BMPR1B: variants seen among roughly 807,000 people sequenced by gnomAD.
BMPR1B encodes bone morphogenetic protein receptor type 1B, also known as bone morphogenetic protein receptor type-1B.
Under a neutral mutation model 59.1 loss-of-function variants are expected in BMPR1B, and 12 were observed. The ratio of observed to expected loss-of-function variants is 0.20; its 90% CI spans 0.13 to 0.33. The LOEUF (loss-of-function observed/expected upper bound fraction) is 0.33. Among genes scored for constraint, BMPR1B ranks in the 10% least tolerant of loss-of-function variants. The probability of loss-of-function intolerance (pLI) is 1.00; values close to 1 mark genes in which losing one functional copy is unlikely to be tolerated. For missense variants in BMPR1B, 550 were observed against 610.9 expected, an observed-to-expected ratio of 0.90 and a Z score of 1.05; for synonymous variants, 237 against 207.3, an observed-to-expected ratio of 1.14 and a Z score of -1.23.
At chr4:95,058,860 T>C (rs1727127624) in intron 3 of BMPR1B, among the ~76,000 whole-genome samples, 1 of 152,102 alleles carries the variant, frequency 6.6e-6, no homozygotes. Flanking sequence ...ACTTGTTGCT[T>C]GCAGTTGTGT....
intron 3 of BMPR1B, among the ~76,000 whole-genome samples, chr4:95,097,791 C>A (rs1314470865): frequency 6.6e-6 from 1 of 152,162 alleles, no homozygotes; most frequent in Admixed American, 6.5e-5. Flanking sequence ...CCTCCTCAAC[C>A]TCCTAAAGTG....
intron 2 of BMPR1B, among the ~76,000 whole-genome samples, chr4:94,957,895 T>A (rs539078477): frequency 6.6e-6 from 1 of 151,216 alleles, no homozygotes; most frequent in African/African-American, 2.5e-5. Context: ...ATATTTGATA[T>A]GAAATAAGAA....
At position 94,775,328 on chromosome 4, in the gene BMPR1B, C is replaced by T. The variant is rs140391606; in HGVS notation, c.-183+17260C>T. On this transcript the variant is annotated intron_variant, in intron 1 of 12. Transcript: ENST00000515059. ...ACTAAAACAGAATGAGGAAAATGTA[C>T]AGTTAATTGATCAATTTTAAGGAGA... Among the ~76,000 whole-genome samples, 375 of 152,254 alleles carry T rather than the reference C, an allele frequency of 2.5e-3. 3 individuals carry two copies. Among genetic ancestry groups the T allele is most frequent in the African/African-American group, 8.7e-3 (361 of 41,550 alleles).
intron 2 of BMPR1B, among the ~76,000 whole-genome samples, chr4:94,912,149 A>C (rs993502410): frequency 3.3e-5 from 5 of 152,134 alleles, no homozygotes; most frequent in Admixed American, 6.6e-5. Context: ...TCATGAGAAC[A>C]GTATGGGGGA....
intron 3 of BMPR1B, among the ~76,000 whole-genome samples, chr4:95,079,247 T>C (rs186625460): frequency 6.6e-6 from 1 of 152,278 alleles, no homozygotes; most frequent in East Asian, 1.9e-4. Context: ...GGTAACGGTG[T>C]TTGTTCCTTT....
At chr4:95,130,723 CTTTTTTTTTTTTT>C (rs148720302) in intron 9 of BMPR1B, among the ~76,000 whole-genome samples, 12 of 77,940 alleles carry the variant, frequency 1.5e-4, no homozygotes, top group South Asian at 5.0e-4. Flanking sequence ...CTTTTCTTTT[CTTTTTTTTTTTTT>C]TTTTTTTTTT....
chr4:95,069,345 C>G (rs550000891), intron 3 of BMPR1B, among the ~76,000 whole-genome samples: 2 of 152,322 alleles, frequency 1.3e-5, no homozygotes, highest in African/African-American at 4.8e-5. Flanking sequence ...TTCCCCATTT[C>G]TTGTCTGACC....
At chr4:94,959,383 C>G (rs1023911197) in intron 2 of BMPR1B, among the ~76,000 whole-genome samples, 5 of 152,076 alleles carry the variant, frequency 3.3e-5, no homozygotes, top group African/African-American at 9.7e-5. Flanking sequence ...TTATTCCCAC[C>G]TCACCTCTGC....
rs527512815 is a variant in BMPR1B, at chr4:94,794,709, T to C, written c.-183+36641T>C. Among the ~76,000 whole-genome samples, 772 of 152,110 alleles carry C rather than the reference T, an allele frequency of 5.1e-3. 3 individuals carry two copies. The highest frequency in any genetic ancestry group is 0.018 in the African/African-American group (738 of 41,404). On this transcript the variant is annotated intron_variant, in intron 1 of 12. Coordinates refer to ENST00000515059, the MANE Select transcript of BMPR1B (RefSeq NM_001203.3). Reference sequence around the variant, plus strand: ...TTTTATTTCCTTGAGCAGTGGTTTGTAGTTCTCCTTGAAGAGGTCCTTCAC... The same window carrying C: ...TTTTATTTCCTTGAGCAGTGGTTTGCAGTTCTCCTTGAAGAGGTCCTTCAC...
intron 3 of BMPR1B, among the ~76,000 whole-genome samples, chr4:94,997,844 ATC>A (rs1225241285): frequency 2.6e-5 from 4 of 152,066 alleles, no homozygotes; most frequent in Non-Finnish European, 4.4e-5. Context: ...TTTATTCAGT[ATC>A]TTTTATTTTT....
intron 1 of BMPR1B, among the ~76,000 whole-genome samples, chr4:94,779,780 C>G (rs1041741729): frequency 2.0e-5 from 3 of 151,698 alleles, no homozygotes; most frequent in African/African-American, 7.3e-5. Context: ...TGCAGTGAGC[C>G]GAGATCGTGC....
At chr4:94,925,181 C>T (rs138239912) in intron 2 of BMPR1B, among the ~76,000 whole-genome samples, 204 of 152,170 alleles carry the variant, frequency 1.3e-3, no homozygotes, top group African/African-American at 4.7e-3. Context: ...CCAAGCATGA[C>T]ATTAAGAATA....
intron 1 of BMPR1B, among the ~76,000 whole-genome samples, chr4:94,809,219 T>C (rs773562025): frequency 3.0e-4 from 45 of 152,300 alleles, no homozygotes; most frequent in Non-Finnish European, 4.9e-4. Flanking sequence ...ATGATAGATA[T>C]TTGTTGCTTG....
chr4:95,061,634 G>A (rs975769395), intron 3 of BMPR1B, among the ~76,000 whole-genome samples: 3 of 152,146 alleles, frequency 2.0e-5, no homozygotes, highest in African/African-American at 7.2e-5. Flanking sequence ...AAGTTGTTAG[G>A]TGAATTGTTT....
chr4:94,776,889 A>G (rs1034158080), intron 1 of BMPR1B, among the ~76,000 whole-genome samples: 1 of 152,190 alleles, frequency 6.6e-6, no homozygotes, highest in Admixed American at 6.5e-5. Flanking sequence ...CCATTTTGAT[A>G]TATTTCCTTT....
intron 10 of BMPR1B, among the ~76,000 whole-genome samples, chr4:95,133,289 A>G (rs1393939810): frequency 6.6e-6 from 1 of 152,116 alleles, no homozygotes; most frequent in Non-Finnish European, 1.5e-5. Context: ...TTGAAGCCTA[A>G]TTTTGGGCAT....
At chr4:94,866,671 G>T (rs971365106) in intron 1 of BMPR1B, among the ~76,000 whole-genome samples, 1 of 151,982 alleles carries the variant, frequency 6.6e-6, no homozygotes, top group Admixed American at 6.6e-5. Context: ...TGCAACCTCC[G>T]ACTCCCTGGT....
At chr4:95,070,448 C>T (rs1728194558) in intron 3 of BMPR1B, among the ~76,000 whole-genome samples, 1 of 152,062 alleles carries the variant, frequency 6.6e-6, no homozygotes, top group African/African-American at 2.4e-5. Flanking sequence ...GAAGAAAGAG[C>T]AGATTTTGGA....
chr4:94,933,484 G>T (rs1199799569), intron 2 of BMPR1B, among the ~76,000 whole-genome samples: 2 of 152,012 alleles, frequency 1.3e-5, no homozygotes, highest in African/African-American at 2.4e-5. Flanking sequence ...GAGTCTGGGG[G>T]AAATGAGACA....
Sources: allele counts gnomAD v4.1 joint callset (sites outside exome capture counted in the v4.1 genomes callset), GRCh38; gene constraint gnomAD v4.1.1; transcripts MANE v1.5; gene names NCBI Gene and HGNC (gene_info 2026-07-23, HGNC 2026-07-21).